The following SPIRE2 variants were observed in gnomAD, a reference collection of about 807,000 sequenced individuals.
SPIRE2 encodes the protein spire type actin nucleation factor 2, also known as protein spire homolog 2.
SPIRE2 carries 76 observed loss-of-function variants against 80.7 expected under a neutral mutation model. That is an observed-to-expected ratio of 0.94 (90% confidence interval 0.78 to 1.14). The LOEUF (loss-of-function observed/expected upper bound fraction) is 1.14. SPIRE2 is among the 50% of genes most tolerant of loss of function. SPIRE2 has a pLI of 0.00. For synonymous variants in SPIRE2, 535 were observed against 432.6 expected, an observed-to-expected ratio of 1.24 and a Z score of -2.94; for missense variants, 1,196 against 1,015.3, an observed-to-expected ratio of 1.18 and a Z score of -2.42.
chr16:89,863,943 T>A lies in SPIRE2; in HGVS notation c.1778+82T>A. The A allele has an allele frequency of 9.5e-7, 1 of 1,055,154 alleles. No homozygotes were observed. The highest frequency in any genetic ancestry group is 1.4e-5 in the South Asian group (1 of 69,246). The allele number at this position is 1,055,154 out of a possible 1,614,324, so 65.4% of individuals were successfully genotyped here. On this transcript the variant is annotated intron_variant, in intron 12 of 14. Transcript: ENST00000378247. The surrounding 1 kb of genome is among the most constrained non-coding windows in gnomAD (Gnocchi z 4.3). Reference sequence around the variant, plus strand: ...GGGCAGTACCGCCCACAGAACTTCCTGTGATTCCAGGAATGTTCTAGCATG... The same window carrying A: ...GGGCAGTACCGCCCACAGAACTTCCAGTGATTCCAGGAATGTTCTAGCATG...
chr16:89,846,054 G>A (rs11076640), intron 2 of SPIRE2: 77,692 of 166,762 alleles, frequency 0.47, 20,322 homozygotes, highest in East Asian at 0.75. Context: ...CCGCCACCAC[G>A]CCCGGCTAAT....
At chr16:89,848,229 C>T (rs1017691611) in intron 2 of SPIRE2, among the ~76,000 whole-genome samples, 2 of 152,216 alleles carry the variant, frequency 1.3e-5, no homozygotes, top group African/African-American at 4.8e-5. Context: ...CCCAGGTGAC[C>T]CCCCGAGCCC....
intron 1 of SPIRE2, among the ~76,000 whole-genome samples, chr16:89,838,137 C>CCACA (rs1329038015): frequency 6.7e-6 from 1 of 149,790 alleles, no homozygotes; most frequent in African/African-American, 2.5e-5. Flanking sequence ...GTAACTGGGA[C>CCACA]CACAGGCACA....
At chr16:89,845,809 C>T (rs1190338802) in intron 2 of SPIRE2, 7 of 571,698 alleles carry the variant, frequency 1.2e-5, no homozygotes, top group Non-Finnish European at 2.2e-5. Flanking sequence ...CATTCACCTG[C>T]CCTGAAGTCA....
intron 3 of SPIRE2, among the ~76,000 whole-genome samples, chr16:89,853,191 C>G (rs1291419567): frequency 6.6e-6 from 1 of 152,198 alleles, no homozygotes; most frequent in Non-Finnish European, 1.5e-5. Flanking sequence ...TTCTTAGAGA[C>G]ACAGTCTTAC....
chr16:89,856,611 A>ATT (rs34234430), intron 7 of SPIRE2, among the ~76,000 whole-genome samples: 5 of 122,686 alleles, frequency 4.1e-5, no homozygotes, highest in Non-Finnish European at 5.0e-5. Context: ...CGCCTGGCTA[A>ATT]TTTTTTTTTT....
rs1463328445 is a variant in SPIRE2, at chr16:89,850,644, T to G, written c.629T>G (p.Val210Gly). 1 of 1,340,192 alleles carries G rather than the reference T, an allele frequency of 7.5e-7. No individual in the cohort carries two copies. The highest frequency in any genetic ancestry group is 1.5e-5 in the African/African-American group (1 of 65,606). The allele number at this position is 1,340,192 out of a possible 1,614,324, so 83.0% of individuals were successfully genotyped here. Residue 210 changes from valine (V) to glycine (G), a missense_variant, in exon 3 of 15, where the codon GTC becomes GGC. Coordinates refer to ENST00000378247, the MANE Select transcript of SPIRE2 (RefSeq NM_032451.2). ...GAGCTGCGGGCCTTCCTGGCCAGGGTCCGGGAGGCCAAGGAGGTGAGCGGT... is the reference window on the plus strand; with the variant it reads ...GAGCTGCGGGCCTTCCTGGCCAGGGGCCGGGAGGCCAAGGAGGTGAGCGGT... ...TLELRAFLAR[V>G]REAKEMLQKL... is the part of the protein sequence containing the mutation.
Position 89,858,158 on chromosome 16 carries a change from T to C in SPIRE2, c.1103-180T>C, listed in dbSNP as rs577605778. Among the ~76,000 whole-genome samples the C allele has an allele frequency of 2.0e-5, 3 of 152,304 alleles. No individual in the cohort carries two copies. The East Asian group carries it at 5.8e-4, about 29-fold the overall frequency. ...CCTTGGCCTCCCAAAGTGCTGGGAT[T>C]ACAGGCGTGAGCCACCGCGCCCGGC... is the stretch of plus-strand genomic sequence containing the variant. On this transcript the variant is annotated intron_variant, in intron 7 of 14. Transcript: ENST00000378247.
chr16:89,844,595 C>T (rs1368060592), intron 1 of SPIRE2, among the ~76,000 whole-genome samples: 4 of 152,172 alleles, frequency 2.6e-5, no homozygotes, highest in South Asian at 2.1e-4. Flanking sequence ...CCCGCCACCA[C>T]GCCTGGCTAA....
intron 7 of SPIRE2, among the ~76,000 whole-genome samples, chr16:89,857,943 C>T (rs1178961676): frequency 7.3e-6 from 1 of 137,352 alleles, no homozygotes; most frequent in Admixed American, 8.3e-5. Context: ...AGTGCAGTGG[C>T]GTGATCTCGG....
chr16:89,842,208 A>ATTTTTGTTTTTTTTTTT (rs2041512504), intron 1 of SPIRE2, among the ~76,000 whole-genome samples: 1 of 81,306 alleles, frequency 1.2e-5, no homozygotes, highest in Non-Finnish European at 2.1e-5. Flanking sequence ...TGAACACGTA[A>ATTTTTGTTTTTTTTTTT]TTTTTTTTTT....
At chr16:89,857,881 C>CTTTT (rs774655599) in intron 7 of SPIRE2, among the ~76,000 whole-genome samples, 88 of 107,154 alleles carry the variant, frequency 8.2e-4, no homozygotes, top group Non-Finnish European at 9.4e-4. Flanking sequence ...AGTTCTTCTT[C>CTTTT]TTTTTTTTTT....
At chr16:89,836,932 T>A (rs1598217647) in intron 1 of SPIRE2, among the ~76,000 whole-genome samples, 1 of 150,186 alleles carries the variant, frequency 6.7e-6, no homozygotes, top group Admixed American at 6.6e-5. Flanking sequence ...GAGGCGGAGG[T>A]TGTGGTGAGC....
At chr16:89,832,663 T>C (rs983722127) in intron 1 of SPIRE2, among the ~76,000 whole-genome samples, 2 of 152,108 alleles carry the variant, frequency 1.3e-5, no homozygotes, top group Non-Finnish European at 2.9e-5. Context: ...TATTGCACCC[T>C]GGGAGGAGAA....
At chr16:89,848,921 G>A (rs1364270196) in intron 2 of SPIRE2, among the ~76,000 whole-genome samples, 1 of 136,568 alleles carries the variant, frequency 7.3e-6, no homozygotes, top group Non-Finnish European at 1.7e-5. Context: ...AGGGCCTTCT[G>A]CAGTGTTTCT....
Position 89,870,312 on chromosome 16 carries a change from GC to G in SPIRE2, c.*43del. ...CAGGCCTCCAGGAGGCACCAGGCAG[GC>G]CCTGTATCAGGCTAGGACGCTCTGA... On this transcript the variant is annotated 3_prime_UTR_variant, in exon 15 of 15. Transcript: ENST00000378247. 7.1e-7 allele frequency: 1 copy of G among 1,399,490 alleles called. No individual in the cohort carries two copies. Among genetic ancestry groups the G allele is most frequent in the South Asian group, 1.2e-5 (1 of 81,984 alleles). 86.7% of individuals were successfully genotyped at this position (1,399,490 alleles called of 1,614,324 possible).
chr16:89,866,763 C>T lies in SPIRE2; in HGVS notation c.1779-1426C>T, dbSNP rs1248597191. Among the ~76,000 whole-genome samples, 11 of 152,008 alleles carry T rather than the reference C, an allele frequency of 7.2e-5. 1 individual carries two copies. Among genetic ancestry groups the T allele is most frequent in the Admixed American group, 3.9e-4 (6 of 15,240 alleles). The stretch of plus-strand genomic sequence containing the variant: ...AGCTGGAACTACAGGTGCCCGCCAC[C>T]AGGCCTGGCTAATTTGTTTGCATTT... On this transcript the variant is annotated intron_variant, in intron 12 of 14. Coordinates refer to ENST00000378247, the MANE Select transcript of SPIRE2 (RefSeq NM_032451.2).
At position 89,869,674 on chromosome 16, in the gene SPIRE2, C is replaced by T. The variant is rs756352115; in HGVS notation, c.1914C>T (p.Asp638=). Residue 638 remains aspartate (D), a synonymous_variant, in exon 14 of 15, where the codon GAC becomes GAT. Coordinates refer to ENST00000378247, the MANE Select transcript of SPIRE2 (RefSeq NM_032451.2). ...AAKTAPIQRR[D]IFQSLQGPQW... ...AAACCGCGCCAATCCAGAGAAGAGA[C>T]ATCTTTCAGTGCGTTCTTCGCCTTG... 8 of 1,612,746 alleles carry T rather than the reference C, an allele frequency of 5.0e-6. No individual in the cohort carries two copies. Among genetic ancestry groups the T allele is most frequent in the Non-Finnish European group, 6.8e-6 (8 of 1,178,718 alleles).
chr16:89,845,016 C>T (rs1240563311), intron 1 of SPIRE2, among the ~76,000 whole-genome samples: 1 of 152,180 alleles, frequency 6.6e-6, no homozygotes, highest in Non-Finnish European at 1.5e-5. Context: ...GAGTGGTCAC[C>T]ATGGAGGGGC....
Sources: gnomAD v4.1 joint callset for allele counts (sites outside exome capture counted in the v4.1 genomes callset) on GRCh38, gnomAD v4.1.1 for gene constraint, Gnocchi (gnomAD v3.1) non-coding constraint, MANE v1.5 for transcripts, NCBI Gene and HGNC (gene_info 2026-07-23, HGNC 2026-07-21) for gene names.